The following CKS2 variants were observed in gnomAD, a reference collection of about 807,000 sequenced individuals.
The protein encoded by CKS2 is CDC28 protein kinase regulatory subunit 2, also known as cyclin-dependent kinases regulatory subunit 2.
CKS2 carries 4 observed loss-of-function variants against 14.3 expected under a neutral mutation model. The ratio of observed to expected loss-of-function variants is 0.28; its 90% CI spans 0.14 to 0.64. The LOEUF (loss-of-function observed/expected upper bound fraction) is 0.64. Among genes scored for constraint, CKS2 ranks in the 30% least tolerant of loss-of-function variants. The pLI is 0.83. For missense variants in CKS2, 71 were observed against 94.3 expected (o/e 0.75, Z 1.02); for synonymous variants, 33 against 28.7 (o/e 1.15, Z -0.48).
chr9:89,313,707 G>A (rs1340410542), intron 1 of CKS2, among the ~76,000 whole-genome samples: 1 of 152,172 alleles, frequency 6.6e-6, no homozygotes, highest in African/African-American at 2.4e-5. Flanking sequence ...AGGTACAAAA[G>A]CACTACATTT....
Position 89,311,287 on chromosome 9 carries a change from A to G in CKS2, c.-6A>G, listed in dbSNP as rs779558698. On this transcript the variant is annotated 5_prime_UTR_variant, in exon 1 of 3. Transcript: ENST00000314355. Reference sequence around the variant, plus strand: ...CTCGTTTCATTTTCTGCAGCGCGCCAGCAGGATGGCCCACAAGCAGATCTA... The same window carrying G: ...CTCGTTTCATTTTCTGCAGCGCGCCGGCAGGATGGCCCACAAGCAGATCTA... 3.5e-5 allele frequency: 56 copies of G among 1,610,650 alleles called. No homozygotes were observed. The highest frequency in any genetic ancestry group is 4.6e-5 in the Non-Finnish European group (54 of 1,178,512).
chr9:89,311,569 G>A (rs1047639874), intron 1 of CKS2, among the ~76,000 whole-genome samples: 3 of 152,240 alleles, frequency 2.0e-5, no homozygotes, highest in Non-Finnish European at 4.4e-5. Flanking sequence ...TTGGGCCTTT[G>A]TTCGGTGTGC....
At chr9:89,313,354 G>A (rs759811650) in intron 1 of CKS2, among the ~76,000 whole-genome samples, 1 of 152,098 alleles carries the variant, frequency 6.6e-6, no homozygotes, top group Non-Finnish European at 1.5e-5. Flanking sequence ...CATAACAGTG[G>A]GTGCCCCCAC....
rs576723541 is a variant in CKS2, at chr9:89,311,204, C to T, written c.-89C>T. On this transcript the variant is annotated 5_prime_UTR_variant, in exon 1 of 3. Transcript: ENST00000314355. ...CGTTGGGACTGCGGTCGTTAGTCTCCGGCGAGTTGTTGCCTGGGCTGGACG... is the reference window on the plus strand; with the variant it reads ...CGTTGGGACTGCGGTCGTTAGTCTCTGGCGAGTTGTTGCCTGGGCTGGACG... The T allele has an allele frequency of 5.8e-5, 63 of 1,083,972 alleles. No homozygotes were observed. Among genetic ancestry groups the T allele is most frequent in the Admixed American group, 7.9e-5 (4 of 50,680 alleles). 67.1% of individuals were successfully genotyped at this position (1,083,972 alleles called of 1,614,324 possible). A position where few individuals can be genotyped will look rare whatever the true frequency, so the allele number is the denominator to read the frequency against.
At chr9:89,311,437 T>TGGGGGGGGGGG in intron 1 of CKS2, 86 bp downstream of exon 1, 9 of 479,004 alleles carry the variant, frequency 1.9e-5, no homozygotes, top group East Asian at 1.4e-4. Context: ...GGGTCGGGGG[T>TGGGGGGGGGGG]GGGGGCCGGG....
intron 2 of CKS2, among the ~76,000 whole-genome samples, chr9:89,315,977 A>G (rs868053920): frequency 3.9e-5 from 6 of 152,200 alleles, no homozygotes; most frequent in African/African-American, 1.4e-4. Flanking sequence ...AAAGAAAAGC[A>G]TTGCATCGAA....
chr9:89,313,970 C>A (rs568812156), intron 1 of CKS2, among the ~76,000 whole-genome samples: 4 of 152,326 alleles, frequency 2.6e-5, no homozygotes, highest in African/African-American at 9.6e-5. Flanking sequence ...TAAATTGGTA[C>A]TTAACCACAG....
chr9:89,315,551 A>T (rs1298296239), intron 2 of CKS2, among the ~76,000 whole-genome samples: 2 of 145,630 alleles, frequency 1.4e-5, no homozygotes, highest in East Asian at 4.0e-4. Context: ...AAAAAAAAAA[A>T]ATGTATTTTA....
intron 2 of CKS2, among the ~76,000 whole-genome samples, chr9:89,315,561 A>T (rs1174830762): frequency 6.6e-6 from 1 of 152,068 alleles, no homozygotes; most frequent in African/African-American, 2.4e-5. Flanking sequence ...AATGTATTTT[A>T]AAATCTGTAT....
chr9:89,315,618 G>A (rs531301416), intron 2 of CKS2, among the ~76,000 whole-genome samples: 1 of 151,370 alleles, frequency 6.6e-6, no homozygotes, highest in African/African-American at 2.4e-5. Flanking sequence ...TATATCCTAA[G>A]ACAAGTGTTC....
intron 1 of CKS2, 40 bp downstream of exon 1, chr9:89,311,391 C>A: frequency 6.5e-7 from 1 of 1,539,764 alleles, no homozygotes; most frequent in Non-Finnish European, 8.8e-7. Context: ...CTCCCTCAGC[C>A]GGGGCCCCCG....
rs751958181 is a variant in CKS2, at chr9:89,315,249, G to A, written c.139G>A (p.Gly47Ser). Residue 47 changes from glycine to serine, a missense_variant, in exon 2 of 3, where the codon GGT becomes AGT. By Grantham distance (56) the Gly-to-Ser change is moderately conservative (BLOSUM62 0). Coordinates refer to ENST00000314355, the MANE Select transcript of CKS2 (RefSeq NM_001827.3). ...LMSEEEWRRLGVQQSLGWVHY... is the reference protein window; with the variant it reads ...LMSEEEWRRLSVQQSLGWVHY... The stretch of plus-strand genomic sequence containing the variant: ...GTCTGAAGAGGAGTGGAGGAGACTT[G>A]GTGTCCAACAGAGTCTAGGCTGGGT... 1 of 1,611,216 alleles carries A rather than the reference G, an allele frequency of 6.2e-7. No individual in the cohort carries two copies. The highest frequency in any genetic ancestry group is 8.5e-7 in the Non-Finnish European group (1 of 1,178,444).
At position 89,315,264 on chromosome 9, in the gene CKS2, C is replaced by T. The variant is rs1462167942; in HGVS notation, c.154C>T (p.Leu52=). ...EWRRLGVQQS[L]GWVHYMIHEP... ...GAGGAGACTTGGTGTCCAACAGAGTCTAGGCTGGGTTCATTACATGATTCA... is the reference window on the plus strand; with the variant it reads ...GAGGAGACTTGGTGTCCAACAGAGTTTAGGCTGGGTTCATTACATGATTCA... The change falls in exon 2 of 3, where the codon CTA becomes TTA. Residue 52 remains leucine (L), a synonymous_variant. Coordinates refer to ENST00000314355, the MANE Select transcript of CKS2 (RefSeq NM_001827.3). 3 of 1,609,760 alleles carry T rather than the reference C, an allele frequency of 1.9e-6. No individual in the cohort carries two copies. The East Asian group carries it at 6.7e-5, about 36-fold the overall frequency.
At chr9:89,314,409 T>C (rs1824671734) in intron 1 of CKS2, among the ~76,000 whole-genome samples, 1 of 152,198 alleles carries the variant, frequency 6.6e-6, no homozygotes, top group African/African-American at 2.4e-5. Context: ...AACTGAACAA[T>C]GTAAGTTTTG....
At position 89,311,803 on chromosome 9, in the gene CKS2, A is replaced by G. The variant is rs1416259960; in HGVS notation, c.59+452A>G. 1.4e-4 allele frequency among the ~76,000 whole-genome samples: 21 copies of G among 152,110 alleles called. 1 individual carries two copies. Among genetic ancestry groups the G allele is most frequent in the Admixed American group, 1.2e-3 (19 of 15,282 alleles). ...TGGTGCCGTCCTTTTTCCTTTAGCA[A>G]CCGTGACACACTTTCCCTGTCGCTG... is the stretch of plus-strand genomic sequence containing the variant. On this transcript the variant is annotated intron_variant, in intron 1 of 2. Transcript: ENST00000314355.
At position 89,316,237 on chromosome 9, in the gene CKS2, AATC is replaced by A. The variant is rs931747894; in HGVS notation, c.188-133_188-131del. 5.6e-4 allele frequency: 350 copies of A among 623,446 alleles called. 2 individuals carry two copies. The highest frequency in any genetic ancestry group is 1.9e-4 in the Non-Finnish European group (65 of 346,768). The allele number at this position is 623,446 out of a possible 1,614,324, so 38.6% of individuals were successfully genotyped here. On this transcript the variant is annotated intron_variant, in intron 2 of 2. Transcript: ENST00000314355. ...CTGTAGACAGTAACTGTGAAAAAAA[AATC>A]ATTTTGGATACCTCAAACCAATTAA... is the stretch of plus-strand genomic sequence containing the variant.
intron 1 of CKS2, among the ~76,000 whole-genome samples, chr9:89,312,804 A>T (rs745584586): frequency 6.6e-6 from 1 of 152,230 alleles, no homozygotes; most frequent in Non-Finnish European, 1.5e-5. Context: ...AATGAACACA[A>T]TGTAAACCGT....
intron 1 of CKS2, among the ~76,000 whole-genome samples, chr9:89,312,488 A>C (rs998485755): frequency 1.3e-5 from 2 of 152,122 alleles, no homozygotes; most frequent in Non-Finnish European, 2.9e-5. Context: ...CTGCCTTTGT[A>C]GGTTAGATTT....
chr9:89,316,265 A>T, intron 2 of CKS2, 108 bp from the exon 3 acceptor site: 1 of 725,172 alleles, frequency 1.4e-6, no homozygotes, highest in Non-Finnish European at 2.4e-6. Context: ...AAACCAATTA[A>T]TAGTGGACTT....
Sources: gnomAD v4.1 joint callset for allele counts (sites outside exome capture counted in the v4.1 genomes callset) on GRCh38, gnomAD v4.1.1 for gene constraint, MANE v1.5 for transcripts, NCBI Gene and HGNC (gene_info 2026-07-23, HGNC 2026-07-21) for gene names.